Variants in PACRG observed in about 807,000 individuals in gnomAD.
The protein encoded by PACRG is parkin coregulated, also known as parkin coregulated gene protein.
PACRG carries 29 observed loss-of-function variants against 29.7 expected under a neutral mutation model. That is an observed-to-expected ratio of 0.98 (90% CI 0.73 to 1.33). The LOEUF is 1.33. Among genes scored for constraint, PACRG ranks in the 40% most tolerant of loss-of-function variants. The pLI, the probability that PACRG is intolerant of heterozygous loss-of-function variation, is 0.00. For synonymous variants in PACRG, 116 were observed against 118.7 expected (o/e 0.98, Z 0.15); for missense variants, 279 against 316.2 (o/e 0.88, Z 0.89).
chr6:162,912,219 A>G (rs1398598792), intron 2 of PACRG, among the ~76,000 whole-genome samples: 1 of 152,244 alleles, frequency 6.6e-6, no homozygotes, highest in Admixed American at 6.5e-5. Context: ...ATTTAAAAAA[A>G]TCTATCCTGT....
At position 162,947,354 on chromosome 6, in the gene PACRG, T is replaced by TC. The variant is rs374880210; in HGVS notation, c.292-114796_292-114795insC. On this transcript the variant is annotated intron_variant, in intron 2 of 4. Transcript: ENST00000366888. ...TAATCATATATATAATGATTACATATATATAATGTAATCATATATAATCAT... is the reference window on the plus strand; with the variant it reads ...TAATCATATATATAATGATTACATATCATATAATGTAATCATATATAATCAT... 2.8e-4 allele frequency among the ~76,000 whole-genome samples: 13 copies of TC among 47,104 alleles called. 4 individuals carry two copies. Among genetic ancestry groups the TC allele is most frequent in the East Asian group, 1.9e-3 (5 of 2,658 alleles). 30.9% of individuals were successfully genotyped at this position (47,104 alleles called of 152,430 possible).
intron 4 of PACRG, among the ~76,000 whole-genome samples, chr6:163,259,168 G>A (rs956622711): frequency 6.6e-6 from 1 of 152,198 alleles, no homozygotes; most frequent in African/African-American, 2.4e-5. Context: ...GAACTCAGGA[G>A]TCCTGATCCC....
Position 163,204,343 on chromosome 6 carries a change from A to G in PACRG, c.614-110484A>G, listed in dbSNP as rs543951808. Among the ~76,000 whole-genome samples, 19 of 152,332 alleles carry G rather than the reference A, an allele frequency of 1.2e-4. No individual in the cohort carries two copies. In the South Asian group the frequency reaches 3.5e-3, roughly 28 times the overall value. On this transcript the variant is annotated intron_variant, in intron 4 of 4. Transcript: ENST00000366888. ...ATAAATTTGAATCCACCTTTATGTT[A>G]TTACTGCATTCAATTTTCTCTAGAT...
chr6:163,218,889 C>T (rs1562322536), intron 4 of PACRG, among the ~76,000 whole-genome samples: 2 of 152,230 alleles, frequency 1.3e-5, no homozygotes, highest in African/African-American at 2.4e-5. Flanking sequence ...ACACTTTTGT[C>T]ACAAGGTGGG....
intron 4 of PACRG, among the ~76,000 whole-genome samples, chr6:163,265,199 T>C (rs1349885913): frequency 1.3e-5 from 2 of 152,170 alleles, no homozygotes; most frequent in Non-Finnish European, 2.9e-5. Context: ...TCCTGACTAA[T>C]GATAGGGATT....
chr6:162,747,374 A>G (rs61564451), intron 1 of PACRG, among the ~76,000 whole-genome samples: 11 of 69,310 alleles, frequency 1.6e-4, no homozygotes, highest in African/African-American at 4.4e-4. Context: ...ACACATACAT[A>G]TATATGTATA....
chr6:163,151,115 C>G (rs1374055070), intron 4 of PACRG, among the ~76,000 whole-genome samples: 1 of 152,178 alleles, frequency 6.6e-6, no homozygotes, highest in Non-Finnish European at 1.5e-5. Context: ...TTTGCTTTAA[C>G]ATGACTGCAA....
chr6:162,900,079 A>G (rs1795450206), intron 2 of PACRG, among the ~76,000 whole-genome samples: 2 of 152,004 alleles, frequency 1.3e-5, no homozygotes, highest in South Asian at 4.2e-4. Flanking sequence ...GAACATCGTA[A>G]TGCTCCCTCG....
chr6:163,239,878 ACACT>A (rs1782408580), intron 4 of PACRG, among the ~76,000 whole-genome samples: 1 of 138,804 alleles, frequency 7.2e-6, no homozygotes, highest in Non-Finnish European at 1.5e-5. Flanking sequence ...CGACATACAC[ACACT>A]CTGACACACA....
chr6:163,011,948 C>T (rs1276411184), intron 2 of PACRG, among the ~76,000 whole-genome samples: 1 of 152,166 alleles, frequency 6.6e-6, no homozygotes, highest in Non-Finnish European at 1.5e-5. Context: ...GGGGCAATGG[C>T]AGGCATGAAG....
rs1450568343 is a variant in PACRG, at chr6:162,814,189, A to G, written c.199A>G (p.Thr67Ala). The G allele has an allele frequency of 1.9e-6, 3 of 1,613,826 alleles. No individual in the cohort carries two copies. Among genetic ancestry groups the G allele is most frequent in the East Asian group, 2.2e-5 (1 of 44,856 alleles). Reference protein sequence around the residue: ...PAAGAFKERPTKPTAFRKFYE... With the variant: ...PAAGAFKERPAKPTAFRKFYE... ...TGCAGGGGCATTTAAAGAAAGACCA[A>G]CCAAGCCCACAGCATTTCGAAAATT... Residue 67 changes from threonine to alanine, a missense_variant, in exon 2 of 5, where the codon ACC becomes GCC. Transcript: ENST00000366888.
intron 4 of PACRG, among the ~76,000 whole-genome samples, chr6:163,192,184 G>A (rs12530039): frequency 0.35 from 53,070 of 152,048 alleles, 9,563 homozygotes; most frequent in East Asian, 0.43. Context: ...GAGAAAATCT[G>A]TAGTGAATGA....
intron 4 of PACRG, among the ~76,000 whole-genome samples, chr6:163,206,024 C>T (rs1191658642): frequency 1.3e-5 from 2 of 152,136 alleles, no homozygotes; most frequent in Non-Finnish European, 2.9e-5. Context: ...CATCTCACAC[C>T]ACTCAGAATG....
At chr6:163,033,807 C>T (rs534364099) in intron 2 of PACRG, among the ~76,000 whole-genome samples, 3 of 152,294 alleles carry the variant, frequency 2.0e-5, no homozygotes, top group Admixed American at 2.0e-4. Context: ...AGGGAAACCT[C>T]ATCCAGTGTT....
chr6:162,776,099 A>G (rs776869450), intron 1 of PACRG, among the ~76,000 whole-genome samples: 5 of 152,182 alleles, frequency 3.3e-5, no homozygotes, highest in African/African-American at 4.8e-5. Context: ...CCAGAAAATA[A>G]CACTGTTACA....
chr6:162,746,659 C>G (rs553359912), intron 1 of PACRG, among the ~76,000 whole-genome samples: 1 of 152,144 alleles, frequency 6.6e-6, no homozygotes, highest in Non-Finnish European at 1.5e-5. Flanking sequence ...GCATAAATAG[C>G]CAGTGTCTTG....
intron 4 of PACRG, among the ~76,000 whole-genome samples, chr6:163,203,201 T>A (rs1486324050): frequency 3.3e-5 from 5 of 151,964 alleles, no homozygotes; most frequent in Non-Finnish European, 5.9e-5. Context: ...TCACCTGAGG[T>A]CAGGAGTTCA....
chr6:162,932,433 T>A (rs1433838869), intron 2 of PACRG, among the ~76,000 whole-genome samples: 3 of 149,946 alleles, frequency 2.0e-5, no homozygotes, highest in Non-Finnish European at 2.9e-5. Flanking sequence ...AACACACAAT[T>A]TTTTTTTGAA....
chr6:163,274,861 C>CTTTT (rs58333018), intron 4 of PACRG, among the ~76,000 whole-genome samples: 2,819 of 126,258 alleles, frequency 0.022, 97 homozygotes, highest in Middle Eastern at 0.045. Context: ...TTCTTTCTTT[C>CTTTT]TTTTTTTTTT....
Sources: allele counts gnomAD v4.1 joint callset (sites outside exome capture counted in the v4.1 genomes callset), GRCh38; gene constraint gnomAD v4.1.1; transcripts MANE v1.5; gene names NCBI Gene and HGNC (gene_info 2026-07-23, HGNC 2026-07-21).